The following SLC10A4 variants were observed in gnomAD, a reference collection of about 807,000 sequenced individuals.
SLC10A4 encodes the protein putative sodium/bile acid cotransporter 4.
A neutral mutation model predicts 22.5 loss-of-function variants in SLC10A4; 17 were observed. The ratio of observed to expected loss-of-function variants is 0.76; its 90% CI spans 0.52 to 1.14. The LOEUF (loss-of-function observed/expected upper bound fraction) is 1.14, where lower values mean the gene tolerates loss of function less well. Ranked by LOEUF, SLC10A4 falls within the 50% of genes most tolerant of loss-of-function variation. SLC10A4 has a pLI of 0.00. For synonymous variants in SLC10A4, 257 were observed against 258.2 expected, an observed-to-expected ratio of 1.00 and a Z score of 0.04; for missense variants, 548 against 584.0, an observed-to-expected ratio of 0.94 and a Z score of 0.64.
Position 48,485,061 on chromosome 4 carries a change from T to A in SLC10A4, c.720T>A (p.Thr240=), listed in dbSNP as rs113881509. The change falls in exon 2 of 3, where the codon ACT becomes ACA. Residue 240 remains threonine, a synonymous_variant. Transcript: ENST00000273861. ...TACCCCTAGGGACCGTGACCCTGAC[T>A]CTCTGCAGCACTCTCATACCTATCG... ...QLLPLGTVTL[T]LCSTLIPIGL... 2 of 1,613,936 alleles carry A rather than the reference T, an allele frequency of 1.2e-6. No individual in the cohort carries two copies. Among genetic ancestry groups the A allele is most frequent in the Non-Finnish European group, 1.7e-6 (2 of 1,179,868 alleles).
At chr4:48,487,329 A>AT (rs971639095) in intron 2 of SLC10A4, among the ~76,000 whole-genome samples, 8 of 152,158 alleles carry the variant, frequency 5.3e-5, no homozygotes, top group African/African-American at 1.9e-4. Context: ...ATTTATTTAC[A>AT]TTTTTCTCTC....
At chr4:48,485,886 A>G (rs1320214080) in intron 2 of SLC10A4, among the ~76,000 whole-genome samples, 1 of 152,196 alleles carries the variant, frequency 6.6e-6, no homozygotes, top group East Asian at 1.9e-4. Flanking sequence ...TGCTTTCTGT[A>G]GCAGTAGAGA....
rs1718346188 is a variant in SLC10A4 at position 48,489,352 on chromosome 4, A to G, written c.*413A>G. On this transcript the variant is annotated 3_prime_UTR_variant, in exon 3 of 3. Transcript: ENST00000273861. The stretch of plus-strand genomic sequence containing the variant: ...AAAAAAAGTGTGCTTGCTCTACTTA[A>G]AATTCCTCACAATGTTGAATTTTGA... Among the ~76,000 whole-genome samples the G allele has an allele frequency of 6.6e-6, 1 of 152,260 alleles. No homozygotes were observed. Among genetic ancestry groups the G allele is most frequent in the South Asian group, 2.1e-4 (1 of 4,836 alleles).
rs973488501 is a variant in SLC10A4, at chr4:48,485,083, A to G, written c.742A>G (p.Ile248Val). 6.2e-6 allele frequency: 10 copies of G among 1,613,936 alleles called. No individual in the cohort carries two copies. Among genetic ancestry groups the G allele is most frequent in the Non-Finnish European group, 8.5e-6 (10 of 1,179,992 alleles). The change falls in exon 2 of 3, where the codon ATC (isoleucine) becomes GTC (valine). Residue 248 changes from isoleucine (I) to valine (V), a missense_variant. Transcript: ENST00000273861. ...GACTCTCTGCAGCACTCTCATACCTATCGGGTTGGGCGTCTTCATTCGCTA... is the reference window on the plus strand; with the variant it reads ...GACTCTCTGCAGCACTCTCATACCTGTCGGGTTGGGCGTCTTCATTCGCTA... ...TLTLCSTLIP[I>V]GLGVFIRYKY...
chr4:48,483,785 G>C lies in SLC10A4; in HGVS notation c.224G>C (p.Gly75Ala). The C allele has an allele frequency of 6.7e-7, 1 of 1,500,046 alleles. No homozygotes were observed. Among genetic ancestry groups the C allele is most frequent in the Non-Finnish European group, 8.8e-7 (1 of 1,131,438 alleles). 92.9% of individuals were successfully genotyped at this position (1,500,046 alleles called of 1,614,324 possible). A position where few individuals can be genotyped will look rare whatever the true frequency, so the allele number is the denominator to read the frequency against. Residue 75 changes from glycine to alanine, a missense_variant, in exon 1 of 3, where the codon GGC becomes GCC. By Grantham distance (60) the Gly-to-Ala change is moderately conservative. Coordinates refer to ENST00000273861, the MANE Select transcript of SLC10A4 (RefSeq NM_152679.4). This position sits in a 1 kb window ranked among gnomAD's most constrained non-coding sequence, Gnocchi z 5.4. Reference sequence around the variant, plus strand: ...GAGCCCACGACCAGCGGCCTCGCGGGCGGCGCGGCGAGCCACGGCCCTTCC... The same window carrying C: ...GAGCCCACGACCAGCGGCCTCGCGGCCGGCGCGGCGAGCCACGGCCCTTCC... ...TPEPTTSGLA[G>A]GAASHGPSPF...
At chr4:48,484,356 G>C (rs1361408945) in intron 1 of SLC10A4, among the ~76,000 whole-genome samples, 2 of 152,180 alleles carry the variant, frequency 1.3e-5, no homozygotes, top group Non-Finnish European at 2.9e-5. Flanking sequence ...CAAGCTAGAC[G>C]GCGAGGGAGC....
rs1419452526 is a variant in SLC10A4 at position 48,488,635 on chromosome 4, G to A, written c.1010G>A (p.Gly337Asp). Residue 337 changes from glycine to aspartate, a missense_variant, in exon 3 of 3, where the codon GGT (glycine) becomes GAT (aspartate). Coordinates refer to ENST00000273861, the MANE Select transcript of SLC10A4 (RefSeq NM_152679.4). ...NCKRTVCLET[G>D]SQNVQLCTAI... is the part of the protein sequence containing the mutation. ...AAGAGGACTGTATGTCTGGAAACAG[G>A]TAGTCAGAATGTGCAGCTCTGTACA... 2 of 1,613,972 alleles carry A rather than the reference G, an allele frequency of 1.2e-6. No individual in the cohort carries two copies. The highest frequency in any genetic ancestry group is 1.3e-5 in the African/African-American group (1 of 74,912).
chr4:48,484,957 CT>C lies in SLC10A4; in HGVS notation c.618del (p.Leu207TrpfsTer5). ...LSIIMTISST[L>X]LALVLMPLCL... Reference sequence around the variant, plus strand: ...CATCATCATGACCATCTCCTCCACGCTTCTGGCCCTCGTCTTGATGCCCCTG... The same window carrying C: ...CATCATCATGACCATCTCCTCCACGCTCTGGCCCTCGTCTTGATGCCCCTG... On this transcript the variant is annotated frameshift_variant, in exon 2 of 3. Coordinates refer to ENST00000273861, the MANE Select transcript of SLC10A4 (RefSeq NM_152679.4). LOFTEE classifies it high-confidence loss of function. The C allele has an allele frequency of 6.2e-7, 1 of 1,614,030 alleles. No individual in the cohort carries two copies. The highest frequency in any genetic ancestry group is 8.5e-7 in the Non-Finnish European group (1 of 1,179,974).
Position 48,488,759 on chromosome 4 carries a change from TGTTTTA to T in SLC10A4, c.1135_1140del (p.Val379_Leu380del). 1.2e-6 allele frequency: 2 copies of T among 1,614,090 alleles called. No homozygotes were observed. The highest frequency in any genetic ancestry group is 1.7e-6 in the Non-Finnish European group (2 of 1,180,038). ...TCCAGTCTGCAGAAGCGGGGATTTT[TGTTTTA>T]ATCTATAAAATGTATGGAAGTGAAA... On this transcript the variant is annotated inframe_deletion, in exon 3 of 3. Transcript: ENST00000273861.
intron 2 of SLC10A4, among the ~76,000 whole-genome samples, chr4:48,487,035 T>C (rs1260207544): frequency 6.6e-6 from 1 of 151,848 alleles, no homozygotes. Context: ...CCCTGCCCAC[T>C]CCTCATTAAA....
At position 48,489,483 on chromosome 4, in the gene SLC10A4, C is replaced by T. The variant is rs1317887730; in HGVS notation, c.*544C>T. ...ACATTAATGTATTTGATTACTTGAT[C>T]TGGTATCTACTTATTAATGAATAAT... On this transcript the variant is annotated 3_prime_UTR_variant, in exon 3 of 3. Coordinates refer to ENST00000273861, the MANE Select transcript of SLC10A4 (RefSeq NM_152679.4). Among the ~76,000 whole-genome samples the T allele has an allele frequency of 6.6e-6, 1 of 152,200 alleles. No individual in the cohort carries two copies. Among genetic ancestry groups the T allele is most frequent in the East Asian group, 1.9e-4 (1 of 5,202 alleles).
At chr4:48,488,381 G>A (rs200120892) in intron 2 of SLC10A4, 46 bp from the exon 3 acceptor site, 6 of 1,507,318 alleles carry the variant, frequency 4.0e-6, no homozygotes, top group African/African-American at 1.4e-5. Flanking sequence ...GGATTCTCTC[G>A]CCTGAGTTCA....
At position 48,485,273 on chromosome 4, in the gene SLC10A4, T is replaced by A. The variant is rs186316507; in HGVS notation, c.801+131T>A. The A allele has an allele frequency of 9.5e-5, 83 of 877,026 alleles. No homozygotes were observed. The African/African-American group carries it at 1.2e-3, about 13-fold the overall frequency. 54.3% of individuals were successfully genotyped at this position (877,026 alleles called of 1,614,324 possible). A position where few individuals can be genotyped will look rare whatever the true frequency, so the allele number is the denominator to read the frequency against. On this transcript the variant is annotated intron_variant, in intron 2 of 2. Coordinates refer to ENST00000273861, the MANE Select transcript of SLC10A4 (RefSeq NM_152679.4). ...CTTGGAAGTAGTTGCATGGATAAAA[T>A]TTTTTTTAAAAAGTTTATGCTACAA...
In SLC10A4 at chr4:48,483,532, G is replaced by C; in HGVS notation, c.-30G>C. The C allele has an allele frequency of 1.4e-6, 2 of 1,477,108 alleles. No individual in the cohort carries two copies. The highest frequency in any genetic ancestry group is 1.3e-5 in the South Asian group (1 of 78,370). The allele number at this position is 1,477,108 out of a possible 1,614,324, so 91.5% of individuals were successfully genotyped here. On this transcript the variant is annotated 5_prime_UTR_variant, in exon 1 of 3. Transcript: ENST00000273861. The surrounding 1 kb of genome is among the most constrained non-coding windows in gnomAD (Gnocchi z 5.4). ...GACGGCGAGAGGCACGCGGCGGGAG[G>C]GGACCGGAATCCGCAGCTCCGGCCG...
chr4:48,483,967 C>T lies in SLC10A4; in HGVS notation c.406C>T (p.Pro136Ser), dbSNP rs778854145. 1.3e-6 allele frequency: 2 copies of T among 1,550,562 alleles called. No individual in the cohort carries two copies. Among genetic ancestry groups the T allele is most frequent in the Non-Finnish European group, 8.7e-7 (1 of 1,149,992 alleles). ...CCACTTCGGGGCGCACGTCCGTCGG[C>T]CCGTGGGCGCGCTGCTGGCAGCGCT... is the stretch of plus-strand genomic sequence containing the variant. Reference protein sequence around the residue: ...VNHFGAHVRRPVGALLAALCQ... With the variant: ...VNHFGAHVRRSVGALLAALCQ... Residue 136 changes from proline to serine, a missense_variant, in exon 1 of 3, where the codon CCC (proline) becomes TCC (serine). By Grantham distance (74) the Pro-to-Ser change is moderately conservative. Around this residue, in one of 3 missense-constraint regions of SLC10A4, gnomAD observed 225 missense variants for 206.9 expected, o/e 1.09. Coordinates refer to ENST00000273861, the MANE Select transcript of SLC10A4 (RefSeq NM_152679.4). This position sits in a 1 kb window ranked among gnomAD's most constrained non-coding sequence, Gnocchi z 5.4.
At position 48,483,822 on chromosome 4, in the gene SLC10A4, GC is replaced by G; in HGVS notation, c.264del (p.Trp89GlyfsTer13). ...GCCACGGCCCTTCCCCGTTCCCTCG[GC>G]CCTGGGCGCCCCACGCGCTCCCGTT... The part of the protein sequence containing the change: ...ASHGPSPFPR[P>X]WAPHALPFWD... On this transcript the variant is annotated frameshift_variant, in exon 1 of 3. Coordinates refer to ENST00000273861, the MANE Select transcript of SLC10A4 (RefSeq NM_152679.4). LOFTEE classifies it high-confidence loss of function. The surrounding 1 kb of genome is among the most constrained non-coding windows in gnomAD (Gnocchi z 5.4). 1 of 1,531,872 alleles carries G rather than the reference GC, an allele frequency of 6.5e-7. No homozygotes were observed. 94.9% of individuals were successfully genotyped at this position (1,531,872 alleles called of 1,614,324 possible). A position where few individuals can be genotyped will look rare whatever the true frequency, so the allele number is the denominator to read the frequency against.
At chr4:48,487,576 G>A (rs1305767553) in intron 2 of SLC10A4, among the ~76,000 whole-genome samples, 3 of 152,128 alleles carry the variant, frequency 2.0e-5, no homozygotes, top group Admixed American at 6.5e-5. Context: ...ATTAGGTTCA[G>A]TTCTAAATGC....
intron 2 of SLC10A4, among the ~76,000 whole-genome samples, chr4:48,485,442 G>A (rs1030564230): frequency 2.0e-4 from 30 of 152,130 alleles, no homozygotes; most frequent in African/African-American, 7.2e-4. Flanking sequence ...GTAATTAAAT[G>A]GCAACATATT....
rs540998277 is a variant in SLC10A4, at chr4:48,489,025, G to T, written c.*86G>T. The T allele has an allele frequency of 9.9e-6, 14 of 1,407,794 alleles. No individual in the cohort carries two copies. The highest frequency in any genetic ancestry group is 2.9e-5 in the South Asian group (2 of 69,936). The allele number at this position is 1,407,794 out of a possible 1,614,324, so 87.2% of individuals were successfully genotyped here. ...GGTAGTGCACATGGTTAACATAAAA[G>T]ATAACACTGGTTCACATCATACATG... On this transcript the variant is annotated 3_prime_UTR_variant, in exon 3 of 3. Transcript: ENST00000273861.
Sources: allele counts gnomAD v4.1 joint callset (sites outside exome capture counted in the v4.1 genomes callset), GRCh38; gene constraint gnomAD v4.1.1; regional missense constraint gnomAD v4.1.1; non-coding constraint Gnocchi (gnomAD v3.1); transcripts MANE v1.5; gene names NCBI Gene and HGNC (gene_info 2026-07-23, HGNC 2026-07-21).